Variants in TENM4 observed in about 807,000 individuals in gnomAD.
TENM4 encodes teneurin-4.
In TENM4, 82 loss-of-function variants were observed where a neutral mutation model predicts 243.3. That is an observed-to-expected ratio of 0.34 (90% CI 0.28 to 0.40). TENM4 has a LOEUF of 0.40. Among genes scored for constraint, TENM4 ranks in the 10% least tolerant of loss-of-function variants. TENM4 has a pLI of 1.00. For synonymous variants in TENM4, 1,412 were observed against 1,456.3 expected (o/e 0.97, Z 0.69); for missense variants, 3,138 against 3,673.3 (o/e 0.85, Z 3.77).
At chr11:78,835,230 G>T (rs890597782) in intron 12 of TENM4, among the ~76,000 whole-genome samples, 1 of 152,182 alleles carries the variant, frequency 6.6e-6, no homozygotes, top group South Asian at 2.1e-4. Flanking sequence ...CACACTGGCC[G>T]GGCACAGTGG....
At chr11:78,967,675 T>C (rs973675274) in intron 6 of TENM4, among the ~76,000 whole-genome samples, 1 of 151,966 alleles carries the variant, frequency 6.6e-6, no homozygotes, top group African/African-American at 2.4e-5. Flanking sequence ...GGGACTGGGG[T>C]GTAGGTGTGC....
intron 3 of TENM4, among the ~76,000 whole-genome samples, chr11:79,151,070 A>G (rs1269944685): frequency 6.6e-6 from 1 of 152,150 alleles, no homozygotes; most frequent in Non-Finnish European, 1.5e-5. Flanking sequence ...CAGCCACTAC[A>G]TTAACTCATC....
intron 6 of TENM4, among the ~76,000 whole-genome samples, chr11:78,929,510 T>C (rs1468953556): frequency 6.6e-6 from 1 of 152,154 alleles, no homozygotes; most frequent in African/African-American, 2.4e-5. Context: ...AGGGAAATCC[T>C]CCTACAATGG....
chr11:78,741,791 C>T (rs551121109), intron 19 of TENM4, among the ~76,000 whole-genome samples: 5 of 152,278 alleles, frequency 3.3e-5, no homozygotes, highest in East Asian at 1.9e-4. Context: ...CTGCTTTGAA[C>T]GTAGAACTCC....
chr11:79,188,431 C>T (rs1241138002), intron 3 of TENM4, among the ~76,000 whole-genome samples: 2 of 151,982 alleles, frequency 1.3e-5, no homozygotes, highest in African/African-American at 4.8e-5. Context: ...TCATAGACCC[C>T]AGCTTATGAA....
chr11:79,256,241 C>T (rs749081671), intron 2 of TENM4, among the ~76,000 whole-genome samples: 1 of 152,214 alleles, frequency 6.6e-6, no homozygotes, highest in Non-Finnish European at 1.5e-5. Flanking sequence ...TGGGTAGTAA[C>T]AGTTTCCTGG....
chr11:78,700,915 C>T (rs568723794), intron 28 of TENM4, among the ~76,000 whole-genome samples: 2 of 152,216 alleles, frequency 1.3e-5, no homozygotes, highest in African/African-American at 4.8e-5. Flanking sequence ...CTTCATATTA[C>T]AGCGTAATAT....
chr11:78,827,580 C>T (rs914067327), intron 12 of TENM4, among the ~76,000 whole-genome samples: 10 of 152,014 alleles, frequency 6.6e-5, no homozygotes, highest in South Asian at 4.1e-4. Flanking sequence ...ACCTCCGCCT[C>T]CCGGGTTCAA....
intron 20 of TENM4, among the ~76,000 whole-genome samples, chr11:78,735,312 G>A (rs541875692): frequency 6.6e-6 from 1 of 152,314 alleles, no homozygotes; most frequent in Non-Finnish European, 1.5e-5. Flanking sequence ...GGCTCTCCAG[G>A]AGAATACCCA....
intron 6 of TENM4, among the ~76,000 whole-genome samples, chr11:79,035,093 C>T (rs910706083): frequency 6.6e-6 from 1 of 152,130 alleles, no homozygotes. Context: ...ATCTTCAGAC[C>T]ATAATATTGC....
chr11:79,228,601 C>T (rs1174013817), intron 2 of TENM4, among the ~76,000 whole-genome samples: 1 of 151,542 alleles, frequency 6.6e-6, no homozygotes, highest in Admixed American at 6.6e-5. Context: ...ACGCATTTGT[C>T]AGGGGAGAAG....
At chr11:79,407,010 G>T (rs567784887) in intron 1 of TENM4, among the ~76,000 whole-genome samples, 16 of 152,290 alleles carry the variant, frequency 1.1e-4, no homozygotes, top group African/African-American at 3.9e-4. Flanking sequence ...CAGAGAACAA[G>T]AGACAGTTTC....
In TENM4 at chr11:78,732,238, TCCAC is replaced by T; in HGVS notation, c.3138+74_3138+77del. On this transcript the variant is annotated intron_variant, in intron 21 of 33. Transcript: ENST00000278550. ...GCCCTACAGAGGTGTTTTTTCTCTT[TCCAC>T]TGTCTCTGAGATCCTCCTCCACCCC... 4 of 1,516,950 alleles carry T rather than the reference TCCAC, an allele frequency of 2.6e-6. No homozygotes were observed. The Admixed American group carries it at 8.8e-5, about 34-fold the overall frequency. 94.0% of individuals were successfully genotyped at this position (1,516,950 alleles called of 1,614,324 possible).
chr11:79,333,481 G>C (rs1269096766), intron 1 of TENM4, among the ~76,000 whole-genome samples: 1 of 152,160 alleles, frequency 6.6e-6, no homozygotes, highest in Admixed American at 6.5e-5. Context: ...ACCCAGAATG[G>C]AAAGTGATCT....
At chr11:79,069,216 C>T (rs1860343953) in intron 5 of TENM4, among the ~76,000 whole-genome samples, 1 of 152,146 alleles carries the variant, frequency 6.6e-6, no homozygotes, top group Non-Finnish European at 1.5e-5. Flanking sequence ...GAAGGTCTTC[C>T]TCTCAAGGTC....
chr11:79,193,582 T>A (rs1863562013), intron 3 of TENM4, among the ~76,000 whole-genome samples: 1 of 152,096 alleles, frequency 6.6e-6, no homozygotes, highest in East Asian at 1.9e-4. Flanking sequence ...GCTGGATGGC[T>A]TCTGTAGGAA....
intron 17 of TENM4, among the ~76,000 whole-genome samples, chr11:78,773,486 TATC>T (rs771297364): frequency 4.9e-4 from 74 of 152,288 alleles, no homozygotes; most frequent in Middle Eastern, 6.8e-3. Context: ...GGGCATATAA[TATC>T]ATATGTTGTA....
intron 12 of TENM4, among the ~76,000 whole-genome samples, chr11:78,839,833 TTC>T (rs1858210981): frequency 6.6e-6 from 1 of 152,208 alleles, no homozygotes; most frequent in African/African-American, 2.4e-5. Context: ...TCAGAGGTGT[TTC>T]TGTTACTTAG....
chr11:78,764,812 G>T (rs1481484176), intron 18 of TENM4, among the ~76,000 whole-genome samples: 3 of 152,226 alleles, frequency 2.0e-5, no homozygotes, highest in African/African-American at 4.8e-5. Flanking sequence ...GAAGAAGGAA[G>T]TAGAAGGGGC....
Sources: gnomAD v4.1 joint callset for allele counts (sites outside exome capture counted in the v4.1 genomes callset) on GRCh38, gnomAD v4.1.1 for gene constraint, MANE v1.5 for transcripts, NCBI Gene and HGNC (gene_info 2026-07-23, HGNC 2026-07-21) for gene names.